SRGAP3: variants seen among roughly 807,000 people sequenced by gnomAD.
SRGAP3 encodes SLIT-ROBO Rho GTPase activating protein 3.
In SRGAP3, 39 loss-of-function variants were observed where a neutral mutation model predicts 121.1. The observed-to-expected ratio is 0.32, with a 90% CI of 0.25 to 0.42. The LOEUF is 0.42. Among genes scored for constraint, SRGAP3 ranks in the 10% least tolerant of loss-of-function variants. The probability of loss-of-function intolerance (pLI) is 1.00; values close to 1 mark genes in which losing one functional copy is unlikely to be tolerated. For missense variants in SRGAP3, 1,213 were observed against 1,470.6 expected (o/e 0.82, Z 2.86); for synonymous variants, 601 against 570.0 (o/e 1.05, Z -0.77).
At chr3:9,093,720 T>C (rs914520496) in intron 3 of SRGAP3, among the ~76,000 whole-genome samples, 1 of 152,180 alleles carries the variant, frequency 6.6e-6, no homozygotes, top group Admixed American at 6.5e-5. Flanking sequence ...GCACCGTCCA[T>C]CCAAAATCTC....
rs1164178574 is a variant in SRGAP3, at chr3:9,143,759, C to T, written c.68-18842G>A. ...TACAGAGCCCTGTCCCCATGAGTTA[C>T]CCCCATTCCCACGGTGAAACTCCAC... On this transcript the variant is annotated intron_variant, in intron 1 of 21. Coordinates refer to ENST00000383836, the MANE Select transcript of SRGAP3 (RefSeq NM_014850.4). 2.6e-5 allele frequency among the ~76,000 whole-genome samples: 4 copies of T among 152,236 alleles called. No homozygotes were observed. In the South Asian group the frequency reaches 6.2e-4, roughly 24 times the overall value.
intron 3 of SRGAP3, among the ~76,000 whole-genome samples, chr3:9,260,554 C>G (rs756392751): frequency 6.6e-6 from 1 of 152,194 alleles, no homozygotes; most frequent in African/African-American, 2.4e-5. Context: ...GATGCGGAAC[C>G]CACTGCGGCG....
At chr3:9,063,343 G>A (rs916137041) in intron 5 of SRGAP3, among the ~76,000 whole-genome samples, 3 of 151,746 alleles carry the variant, frequency 2.0e-5, no homozygotes, top group African/African-American at 7.3e-5. Context: ...TGCCCAACCT[G>A]GTCTCGAACT....
At chr3:9,085,341 C>T (rs1218633823) in intron 3 of SRGAP3, among the ~76,000 whole-genome samples, 3 of 152,192 alleles carry the variant, frequency 2.0e-5, no homozygotes, top group Non-Finnish European at 2.9e-5. Flanking sequence ...CTTCAGAACT[C>T]CCTGCTTCTA....
At chr3:9,265,969 A>G (rs1167826455) in intron 3 of SRGAP3, among the ~76,000 whole-genome samples, 1 of 152,166 alleles carries the variant, frequency 6.6e-6, no homozygotes, top group Non-Finnish European at 1.5e-5. Context: ...CTTGGAACCA[A>G]CCCAAATGCT....
chr3:9,332,166 G>A (rs1052025543), intron 1 of SRGAP3, among the ~76,000 whole-genome samples: 1 of 152,106 alleles, frequency 6.6e-6, no homozygotes, highest in African/African-American at 2.4e-5. Context: ...TGTCACACAG[G>A]CTGGAGTGCA....
chr3:9,102,544 A>T (rs1456105043), intron 3 of SRGAP3, among the ~76,000 whole-genome samples: 1 of 152,190 alleles, frequency 6.6e-6, no homozygotes, highest in African/African-American at 2.4e-5. Context: ...AACTATTATT[A>T]TGTAAAGAGT....
At chr3:9,264,284 G>A (rs759546094) in intron 3 of SRGAP3, among the ~76,000 whole-genome samples, 10 of 152,280 alleles carry the variant, frequency 6.6e-5, no homozygotes, top group South Asian at 2.1e-4. Context: ...GGCAAAAGCC[G>A]GAAGCATTCC....
chr3:9,346,005 A>T (rs1327588180), intron 1 of SRGAP3, among the ~76,000 whole-genome samples: 1 of 152,132 alleles, frequency 6.6e-6, no homozygotes, highest in Non-Finnish European at 1.5e-5. Flanking sequence ...TTTACATATG[A>T]CTTAAGTCCT....
chr3:9,260,794 C>T (rs1198716287), intron 3 of SRGAP3, among the ~76,000 whole-genome samples: 3 of 152,228 alleles, frequency 2.0e-5, no homozygotes, highest in Admixed American at 1.3e-4. Flanking sequence ...GAAGAAATCA[C>T]AGAGAAATCT....
intron 3 of SRGAP3, among the ~76,000 whole-genome samples, chr3:9,270,596 AAAG>A (rs567860114): frequency 1.2e-3 from 179 of 152,356 alleles, no homozygotes; most frequent in Non-Finnish European, 2.1e-3. Context: ...GTGATCAGCA[AAAG>A]AAGTATCACT....
At chr3:9,275,580 C>A (rs1954556782) in intron 3 of SRGAP3, among the ~76,000 whole-genome samples, 1 of 152,148 alleles carries the variant, frequency 6.6e-6, no homozygotes, top group African/African-American at 2.4e-5. Context: ...ATCATGGGGG[C>A]AGTTTCCCCC....
At chr3:9,050,381 C>A (rs75555744) in intron 9 of SRGAP3, among the ~76,000 whole-genome samples, 1,654 of 152,330 alleles carry the variant, frequency 0.011, 32 homozygotes, top group African/African-American at 0.038. Flanking sequence ...CTTGGCAGGT[C>A]ATCCACTGGT....
chr3:9,183,424 C>G (rs1028270705), intron 1 of SRGAP3, among the ~76,000 whole-genome samples: 5 of 152,208 alleles, frequency 3.3e-5, no homozygotes, highest in African/African-American at 1.2e-4. Context: ...CACTTACTTA[C>G]TAGAGAGCCT....
At chr3:9,202,064 G>C (rs1343616240) in intron 1 of SRGAP3, among the ~76,000 whole-genome samples, 1 of 152,024 alleles carries the variant, frequency 6.6e-6, no homozygotes, top group South Asian at 2.1e-4. Context: ...TTGGAGGATG[G>C]GGGGAAGGGA....
chr3:9,005,731 T>TA (rs1397144963), intron 18 of SRGAP3, among the ~76,000 whole-genome samples: 1 of 152,128 alleles, frequency 6.6e-6, no homozygotes, highest in Non-Finnish European at 1.5e-5. Context: ...TGGGTAGACT[T>TA]ACAGTTGCAT....
intron 1 of SRGAP3, among the ~76,000 whole-genome samples, chr3:9,131,392 T>C (rs1315882033): frequency 1.3e-5 from 2 of 150,730 alleles, no homozygotes; most frequent in Non-Finnish European, 2.9e-5. Context: ...CTTGGTTTTA[T>C]AGACAGGGGC....
intron 18 of SRGAP3, among the ~76,000 whole-genome samples, chr3:8,999,897 A>G (rs373325284): frequency 1.2e-4 from 18 of 152,234 alleles, no homozygotes; most frequent in East Asian, 5.8e-4. Context: ...AAAAAGAAAT[A>G]TTTCAAGCCC....
chr3:9,195,376 T>C (rs1951884920), intron 1 of SRGAP3, among the ~76,000 whole-genome samples: 2 of 152,142 alleles, frequency 1.3e-5, no homozygotes, highest in African/African-American at 4.8e-5. Context: ...AACACAACAC[T>C]GGTTTACCCC....
Sources: allele counts gnomAD v4.1 joint callset (sites outside exome capture counted in the v4.1 genomes callset), GRCh38; gene constraint gnomAD v4.1.1; transcripts MANE v1.5; gene names NCBI Gene and HGNC (gene_info 2026-07-23, HGNC 2026-07-21).